MEGF11: variants seen among roughly 807,000 people sequenced by gnomAD.
MEGF11 encodes the protein multiple EGF like domains 11.
A neutral mutation model predicts 146.6 loss-of-function variants in MEGF11; 126 were observed. That is an observed-to-expected ratio of 0.86 (90% CI 0.74 to 1.00). MEGF11 has a LOEUF of 1.00. Among genes scored for constraint, MEGF11 ranks in the 50% least tolerant of loss-of-function variants. MEGF11 has a pLI of 0.00. For missense variants in MEGF11, 1,509 were observed against 1,521.2 expected, an observed-to-expected ratio of 0.99 and a Z score of 0.13; for synonymous variants, 532 against 583.4, an observed-to-expected ratio of 0.91 and a Z score of 1.27.
Position 65,974,259 on chromosome 15 carries a change from AGGG to A in MEGF11, c.763-3573_763-3571del, listed in dbSNP as rs139113129. 4.5e-4 allele frequency among the ~76,000 whole-genome samples: 68 copies of A among 149,898 alleles called. No homozygotes were observed. In the East Asian group the frequency reaches 0.013, roughly 29 times the overall value. ...TCTCCTCCACACACAAGTCAGAAGT[AGGG>A]GGGCTAAGAGGAGGGGCTGAGGCGG... On this transcript the variant is annotated intron_variant, in intron 7 of 25. Coordinates refer to ENST00000395614, the MANE Select transcript of MEGF11 (RefSeq NM_001385028.1).
chr15:66,029,416 A>G (rs1007231767), intron 5 of MEGF11, among the ~76,000 whole-genome samples: 1 of 152,134 alleles, frequency 6.6e-6, no homozygotes. Context: ...AAGGCTTTGG[A>G]AACTATACAT....
chr15:66,247,092 C>T (rs1477141096), intron 1 of MEGF11, among the ~76,000 whole-genome samples: 5 of 152,128 alleles, frequency 3.3e-5, no homozygotes, highest in Non-Finnish European at 7.4e-5. Flanking sequence ...GATTTTATAA[C>T]CTATCCATAC....
chr15:65,956,263 G>A (rs2080634615), intron 10 of MEGF11, among the ~76,000 whole-genome samples: 1 of 152,190 alleles, frequency 6.6e-6, no homozygotes, highest in South Asian at 2.1e-4. Flanking sequence ...AGCATTATTG[G>A]TATCACTTGG....
intron 1 of MEGF11, among the ~76,000 whole-genome samples, chr15:66,209,990 T>C (rs2140122696): frequency 6.6e-6 from 1 of 152,246 alleles, no homozygotes; most frequent in East Asian, 1.9e-4. Flanking sequence ...TGGCTAATTT[T>C]TTACTTTTAA....
chr15:65,972,149 T>G (rs1567183459), intron 7 of MEGF11, among the ~76,000 whole-genome samples: 2 of 151,946 alleles, frequency 1.3e-5, no homozygotes, highest in African/African-American at 4.8e-5. Flanking sequence ...TTAAAAATAA[T>G]AGAGAAAATA....
chr15:66,220,305 A>G lies in MEGF11; in HGVS notation c.-9+33300T>C, dbSNP rs557229963. Among the ~76,000 whole-genome samples the G allele has an allele frequency of 4.0e-5, 6 of 151,836 alleles. No homozygotes were observed. In the East Asian group the frequency reaches 1.2e-3, roughly 30 times the overall value. On this transcript the variant is annotated intron_variant, in intron 1 of 25. Transcript: ENST00000395614. The stretch of plus-strand genomic sequence containing the variant: ...CCCTAGAAAACGAATACACCGTGGA[A>G]TACTACTTAGCAATAAAAATTAATG...
At chr15:66,059,018 G>A (rs2084792310) in intron 5 of MEGF11, among the ~76,000 whole-genome samples, 1 of 152,136 alleles carries the variant, frequency 6.6e-6, no homozygotes, top group Non-Finnish European at 1.5e-5. Context: ...CCCCTGCTAG[G>A]AGTCTGGGGG....
chr15:66,120,892 T>C (rs1379813428), intron 3 of MEGF11, among the ~76,000 whole-genome samples: 2 of 151,922 alleles, frequency 1.3e-5, no homozygotes, highest in Non-Finnish European at 2.9e-5. Context: ...CAGGAAAGAG[T>C]TGCCACCCAA....
chr15:65,951,453 G>A (rs1328632092), intron 10 of MEGF11, among the ~76,000 whole-genome samples: 2 of 152,184 alleles, frequency 1.3e-5, no homozygotes, highest in Non-Finnish European at 2.9e-5. Context: ...TTGTGAGGCC[G>A]AGGCGGGCAG....
Position 65,897,794 on chromosome 15 carries a change from CTCT to C in MEGF11, c.*137_*139del. The C allele has an allele frequency of 2.5e-6, 2 of 805,858 alleles. No homozygotes were observed. Among genetic ancestry groups the C allele is most frequent in the Non-Finnish European group, 3.8e-6 (2 of 531,046 alleles). The allele number at this position is 805,858 out of a possible 1,614,324, so 49.9% of individuals were successfully genotyped here. A position where few individuals can be genotyped will look rare whatever the true frequency, so the allele number is the denominator to read the frequency against. On this transcript the variant is annotated 3_prime_UTR_variant, in exon 26 of 26. Transcript: ENST00000395614. ...CAATTATCCCAGTCCCACCTGGACG[CTCT>C]TCTTTAGTTCCAGGTGAACGTAATA...
At chr15:66,018,947 C>A (rs1236477455) in intron 5 of MEGF11, among the ~76,000 whole-genome samples, 1 of 152,212 alleles carries the variant, frequency 6.6e-6, no homozygotes, top group African/African-American at 2.4e-5. Flanking sequence ...AGAGATTTGG[C>A]AGAGAGGGCA....
At position 66,196,344 on chromosome 15, in the gene MEGF11, C is replaced by CACAT. The variant is rs550456183; in HGVS notation, c.-9+57260_-9+57261insATGT. Among the ~76,000 whole-genome samples the CACAT allele has an allele frequency of 3.1e-3, 468 of 151,858 alleles. 2 individuals are homozygous for CACAT. Among genetic ancestry groups the CACAT allele is most frequent in the African/African-American group, 0.011 (439 of 41,370 alleles). ...AAAATTAGCCGGGCATGGTGTCGGG[C>CACAT]GCCTGTAATCCCAGCTACTCGAGAG... On this transcript the variant is annotated intron_variant, in intron 1 of 25. Transcript: ENST00000395614.
intron 7 of MEGF11, among the ~76,000 whole-genome samples, chr15:65,977,294 A>C (rs1161519540): frequency 6.6e-6 from 1 of 151,966 alleles, no homozygotes. Flanking sequence ...ATCTGAAGGC[A>C]TTTCTAATGA....
At chr15:66,040,041 G>A (rs906924035) in intron 5 of MEGF11, among the ~76,000 whole-genome samples, 2 of 152,102 alleles carry the variant, frequency 1.3e-5, no homozygotes, top group Admixed American at 6.5e-5. Context: ...TCCCTACCTC[G>A]TAGCAAGTGT....
At chr15:66,122,061 G>A (rs1049947985) in intron 3 of MEGF11, among the ~76,000 whole-genome samples, 3 of 152,070 alleles carry the variant, frequency 2.0e-5, no homozygotes, top group South Asian at 4.1e-4. Context: ...TCAGGAGTTC[G>A]AGACCAGCCT....
At chr15:65,983,689 C>T (rs1480548547) in intron 5 of MEGF11, among the ~76,000 whole-genome samples, 3 of 152,142 alleles carry the variant, frequency 2.0e-5, no homozygotes, top group Non-Finnish European at 4.4e-5. Flanking sequence ...CTGGGAAATC[C>T]CTCAGTCCTG....
In MEGF11 at chr15:65,895,666, T is replaced by G. The variant is rs1416679525; in HGVS notation, c.*2268A>C. 6.6e-6 allele frequency: 1 copy of G among 152,628 alleles called. No homozygotes were observed. The highest frequency in any genetic ancestry group is 6.5e-5 in the Admixed American group (1 of 15,270). The allele number at this position is 152,628 out of a possible 1,614,324, so 9.5% of individuals were successfully genotyped here. A position where few individuals can be genotyped will look rare whatever the true frequency, so the allele number is the denominator to read the frequency against. Reference sequence around the variant, plus strand: ...GGGAAGGCAGCTATTGTCACCATAATCACACCCTCTGCCTTTCCCTTCTCC... The same window carrying G: ...GGGAAGGCAGCTATTGTCACCATAAGCACACCCTCTGCCTTTCCCTTCTCC... On this transcript the variant is annotated 3_prime_UTR_variant, in exon 26 of 26. Coordinates refer to ENST00000395614, the MANE Select transcript of MEGF11 (RefSeq NM_001385028.1).
At chr15:66,056,308 G>A (rs985359956) in intron 5 of MEGF11, among the ~76,000 whole-genome samples, 1 of 152,122 alleles carries the variant, frequency 6.6e-6, no homozygotes. Flanking sequence ...AAAGGAGCAG[G>A]ACTTAACCTT....
chr15:65,913,552 A>G lies in MEGF11; in HGVS notation c.2710+185T>C, dbSNP rs1302526234. ...CTGCTCAGAGCTAGGGACTCAGGAA[A>G]CAATTTTCCCTTGGAACCCCAGATA... is the stretch of plus-strand genomic sequence containing the variant. On this transcript the variant is annotated intron_variant, in intron 20 of 25. Transcript: ENST00000395614. 5 of 620,994 alleles carry G rather than the reference A, an allele frequency of 8.1e-6. No homozygotes were observed. The East Asian group carries it at 1.1e-4, about 14-fold the overall frequency. 38.5% of individuals were successfully genotyped at this position (620,994 alleles called of 1,614,324 possible). A position where few individuals can be genotyped will look rare whatever the true frequency, so the allele number is the denominator to read the frequency against.
Sources: gnomAD v4.1 joint callset for allele counts (sites outside exome capture counted in the v4.1 genomes callset) on GRCh38, gnomAD v4.1.1 for gene constraint, MANE v1.5 for transcripts, NCBI Gene and HGNC (gene_info 2026-07-23, HGNC 2026-07-21) for gene names.